The following RAD51B variants were observed in gnomAD, a reference collection of about 807,000 sequenced individuals.
RAD51B encodes the protein DNA repair protein RAD51 homolog 2.
A neutral mutation model predicts 42.2 loss-of-function variants in RAD51B; 38 were observed. The observed-to-expected ratio is 0.90, with a 90% CI of 0.70 to 1.18. The LOEUF is 1.18. Ranked by LOEUF, RAD51B falls within the 50% of genes most tolerant of loss-of-function variation. The pLI is 0.00. For synonymous variants in RAD51B, 154 were observed against 145.2 expected, an observed-to-expected ratio of 1.06 and a Z score of -0.43; for missense variants, 373 against 400.7, an observed-to-expected ratio of 0.93 and a Z score of 0.59.
At chr14:68,457,644 G>A (rs1296933808) in intron 9 of RAD51B, among the ~76,000 whole-genome samples, 1 of 151,918 alleles carries the variant, frequency 6.6e-6, no homozygotes, top group African/African-American at 2.4e-5. Context: ...TTGTTGCCAG[G>A]CTGGAGTGCA....
intron 7 of RAD51B, among the ~76,000 whole-genome samples, chr14:68,049,712 C>G (rs2076362074): frequency 6.6e-6 from 1 of 152,172 alleles, no homozygotes; most frequent in Non-Finnish European, 1.5e-5. Flanking sequence ...TTATCCAGGC[C>G]TTTGTTACTC....
intron 5 of RAD51B, among the ~76,000 whole-genome samples, chr14:67,870,739 T>C (rs1226891781): frequency 1.8e-5 from 2 of 110,488 alleles, no homozygotes; most frequent in African/African-American, 8.4e-5. Flanking sequence ...AAACTATCTC[T>C]CAGACCACAG....
intron 10 of RAD51B, among the ~76,000 whole-genome samples, chr14:68,569,146 G>A (rs1365715929): frequency 1.3e-5 from 2 of 152,180 alleles, no homozygotes; most frequent in Admixed American, 6.5e-5. Flanking sequence ...TAAGGCTTCT[G>A]GAGCTTGTCT....
At chr14:68,309,149 A>G (rs1382034846) in intron 8 of RAD51B, among the ~76,000 whole-genome samples, 2 of 152,080 alleles carry the variant, frequency 1.3e-5, no homozygotes, top group Non-Finnish European at 2.9e-5. Context: ...TATCTTGCTT[A>G]TGGACTGGAA....
chr14:67,967,719 A>G (rs2074810690), intron 7 of RAD51B, among the ~76,000 whole-genome samples: 1 of 152,134 alleles, frequency 6.6e-6, no homozygotes, highest in Non-Finnish European at 1.5e-5. Flanking sequence ...TTTGCAGGGT[A>G]TAGCTCCCCT....
intron 8 of RAD51B, among the ~76,000 whole-genome samples, chr14:68,385,894 A>C (rs1478930592): frequency 6.6e-6 from 1 of 152,214 alleles, no homozygotes; most frequent in Non-Finnish European, 1.5e-5. Flanking sequence ...ACACTATTAC[A>C]TCTCTGATTT....
chr14:67,823,662 T>G (rs1428255191), intron 2 of RAD51B, 35 bp downstream of exon 2: 1 of 1,515,378 alleles, frequency 6.6e-7, no homozygotes, highest in Non-Finnish European at 9.1e-7. Flanking sequence ...TGATAAGTTT[T>G]ATGCACAAGT....
chr14:68,665,547 T>C (rs17106118), intron 11 of RAD51B, among the ~76,000 whole-genome samples: 26,489 of 152,166 alleles, frequency 0.17, 2,514 homozygotes, highest in African/African-American at 0.24. Flanking sequence ...ACACTGGTAT[T>C]AGAGCTGGTG....
chr14:68,307,308 A>AT (rs1424849776), intron 8 of RAD51B, among the ~76,000 whole-genome samples: 1 of 152,198 alleles, frequency 6.6e-6, no homozygotes, highest in Non-Finnish European at 1.5e-5. Flanking sequence ...TAACCTGATC[A>AT]TCTCTTAAAA....
At chr14:68,134,615 C>G (rs2077970400) in intron 7 of RAD51B, among the ~76,000 whole-genome samples, 1 of 151,860 alleles carries the variant, frequency 6.6e-6, no homozygotes, top group African/African-American at 2.4e-5. Context: ...TTTTAAATGC[C>G]ATTTTTGATA....
At chr14:67,821,116 AGG>A (rs2040612707) in intron 1 of RAD51B, among the ~76,000 whole-genome samples, 1 of 152,242 alleles carries the variant, frequency 6.6e-6, no homozygotes, top group South Asian at 2.1e-4. Flanking sequence ...TGACTTTTGC[AGG>A]CGAATTTGGG....
intron 10 of RAD51B, among the ~76,000 whole-genome samples, chr14:68,631,144 G>T (rs1892218174): frequency 6.6e-6 from 1 of 152,214 alleles, no homozygotes; most frequent in East Asian, 1.9e-4. Context: ...AAAAAAAAAT[G>T]AATACAATTA....
At chr14:68,508,204 C>G in intron 10 of RAD51B, among the ~76,000 whole-genome samples, 1 of 152,136 alleles carries the variant, frequency 6.6e-6, no homozygotes, top group East Asian at 1.9e-4. Context: ...TTGCTTTATA[C>G]TTGGTCCCTG....
chr14:68,190,472 A>T (rs895843423), intron 7 of RAD51B, among the ~76,000 whole-genome samples: 9 of 152,170 alleles, frequency 5.9e-5, no homozygotes, highest in African/African-American at 2.2e-4. Flanking sequence ...ATGTCCACCA[A>T]ATGGACATCT....
intron 11 of RAD51B, among the ~76,000 whole-genome samples, chr14:68,670,077 C>A (rs995769976): frequency 6.6e-6 from 1 of 152,190 alleles, no homozygotes; most frequent in Non-Finnish European, 1.5e-5. Flanking sequence ...AGATTAGACA[C>A]GCTGCCGAGA....
intron 7 of RAD51B, among the ~76,000 whole-genome samples, chr14:68,028,947 A>T (rs972126101): frequency 6.6e-6 from 1 of 151,738 alleles, no homozygotes; most frequent in Admixed American, 6.6e-5. Context: ...GATTCTGTCT[A>T]CTCCCTGGGC....
chr14:68,456,966 G>A (rs1236039660), intron 9 of RAD51B, among the ~76,000 whole-genome samples: 2 of 125,072 alleles, frequency 1.6e-5, no homozygotes, highest in Non-Finnish European at 3.1e-5. Flanking sequence ...AGGCTGGAGT[G>A]CAGTAGCACG....
At chr14:67,923,526 C>T (rs1022006617) in intron 7 of RAD51B, among the ~76,000 whole-genome samples, 3 of 151,388 alleles carry the variant, frequency 2.0e-5, no homozygotes, top group Admixed American at 1.3e-4. Context: ...CTTGAACTCC[C>T]GACCTCAGGT....
At chr14:67,824,223 C>CTAGA in intron 2 of RAD51B, among the ~76,000 whole-genome samples, 1 of 152,276 alleles carries the variant, frequency 6.6e-6, no homozygotes, top group Admixed American at 6.5e-5. Flanking sequence ...CTGTGCCTGG[C>CTAGA]TAGATTTAAG....
Sources: gnomAD v4.1 joint callset for allele counts (sites outside exome capture counted in the v4.1 genomes callset) on GRCh38, gnomAD v4.1.1 for gene constraint, MANE v1.5 for transcripts, NCBI Gene and HGNC (gene_info 2026-07-23, HGNC 2026-07-21) for gene names.